The following SHANK2 variants were observed in gnomAD, a reference collection of about 807,000 sequenced individuals.
SHANK2 encodes the protein SH3 and multiple ankyrin repeat domains 2, also known as SH3 and multiple ankyrin repeat domains protein 2.
SHANK2 carries 43 observed loss-of-function variants against 133.7 expected under a neutral mutation model. That is an observed-to-expected ratio of 0.32 (90% CI 0.25 to 0.41). The LOEUF is 0.41. Ranked by LOEUF, SHANK2 falls within the 10% of genes least tolerant of loss-of-function variation. The probability of loss-of-function intolerance (pLI) is 1.00; values close to 1 mark genes in which losing one functional copy is unlikely to be tolerated. For missense variants in SHANK2, 1,994 were observed against 2,235.8 expected, an observed-to-expected ratio of 0.89 and a Z score of 2.18; for synonymous variants, 1,017 against 952.8, an observed-to-expected ratio of 1.07 and a Z score of -1.24.
At chr11:71,203,095 C>T (rs1330536349) in intron 2 of SHANK2, among the ~76,000 whole-genome samples, 1 of 152,196 alleles carries the variant, frequency 6.6e-6, no homozygotes, top group Non-Finnish European at 1.5e-5. Flanking sequence ...CCAGTGATCT[C>T]AGGTACCACC....
intron 12 of SHANK2, among the ~76,000 whole-genome samples, chr11:70,808,104 C>T (rs1948201887): frequency 6.6e-6 from 1 of 152,152 alleles, no homozygotes. Flanking sequence ...CTGCACAGCA[C>T]TCGAATGTAT....
At chr11:70,609,496 C>T (rs1008913917) in intron 17 of SHANK2, among the ~76,000 whole-genome samples, 1 of 152,164 alleles carries the variant, frequency 6.6e-6, no homozygotes, top group African/African-American at 2.4e-5. Context: ...AACAAGCACG[C>T]ACAGCCATGC....
In SHANK2 at chr11:70,845,694, G is replaced by T. The variant is rs986101934; in HGVS notation, c.1175-25012C>A. On this transcript the variant is annotated intron_variant, in intron 11 of 25. Transcript: ENST00000601538. ...TTGATGGAAAGACGAGCCAAGCCAGGGAAAATCAGAATGAAACAGACGGCC... is the reference window on the plus strand; with the variant it reads ...TTGATGGAAAGACGAGCCAAGCCAGTGAAAATCAGAATGAAACAGACGGCC... 2.6e-5 allele frequency among the ~76,000 whole-genome samples: 4 copies of T among 152,176 alleles called. No individual in the cohort carries two copies. The East Asian group carries it at 7.7e-4, about 29-fold the overall frequency.
At chr11:71,194,617 G>C (rs757040094) in intron 2 of SHANK2, among the ~76,000 whole-genome samples, 3 of 152,166 alleles carry the variant, frequency 2.0e-5, no homozygotes, top group Non-Finnish European at 2.9e-5. Flanking sequence ...GGGTGTGAAG[G>C]GACTGAGGAA....
At chr11:71,229,548 A>T (rs1555122685) in intron 1 of SHANK2, among the ~76,000 whole-genome samples, 1 of 152,100 alleles carries the variant, frequency 6.6e-6, no homozygotes, top group East Asian at 1.9e-4. Flanking sequence ...AGGTGGGTGG[A>T]TCACGAGGTC....
rs192125591 is a variant in SHANK2, at chr11:71,191,620, C to T, written c.-13+33077G>A. Among the ~76,000 whole-genome samples, 12 of 152,216 alleles carry T rather than the reference C, an allele frequency of 7.9e-5. No homozygotes were observed. The South Asian group carries it at 8.3e-4, about 11-fold the overall frequency. ...TGTCACCCAGACTGGAGTGCAATGG[C>T]GTGATCTCAGCTCACTATAACCTCT... On this transcript the variant is annotated intron_variant, in intron 2 of 25. Transcript: ENST00000601538.
chr11:71,214,792 G>A (rs1412237978), intron 2 of SHANK2, among the ~76,000 whole-genome samples: 4 of 152,138 alleles, frequency 2.6e-5, no homozygotes, highest in South Asian at 2.1e-4. Context: ...CTGTCCTCTC[G>A]TGCAATTGCT....
chr11:71,201,474 A>AGCT (rs1555117127), intron 2 of SHANK2, among the ~76,000 whole-genome samples: 1 of 152,190 alleles, frequency 6.6e-6, no homozygotes, highest in Non-Finnish European at 1.5e-5. Context: ...TGATGGTCGG[A>AGCT]GCTGCTGCTG....
At chr11:71,060,856 G>C (rs1380845789) in intron 9 of SHANK2, among the ~76,000 whole-genome samples, 7 of 152,298 alleles carry the variant, frequency 4.6e-5, no homozygotes, top group Non-Finnish European at 8.8e-5. Flanking sequence ...CTCCGCACAG[G>C]GTTTCAGGGT....
chr11:70,702,196 CCAT>C (rs1197183341), intron 14 of SHANK2, among the ~76,000 whole-genome samples: 9 of 150,554 alleles, frequency 6.0e-5, no homozygotes, highest in African/African-American at 1.2e-4. Flanking sequence ...ATCACCACCA[CCAT>C]CATCACCACT....
Position 70,473,542 on chromosome 11 carries a change from C to G in SHANK2, c.4980-103G>C. On this transcript the variant is annotated intron_variant, in intron 25 of 25. Coordinates refer to ENST00000601538, the MANE Select transcript of SHANK2 (RefSeq NM_012309.5). This position sits in a 1 kb window ranked among gnomAD's most constrained non-coding sequence, Gnocchi z 5.9. Reference sequence around the variant, plus strand: ...GGCGAGGGAGACGCCCAAACCATGCCAGAGTGTCTAGTGGCAGATCCACTG... The same window carrying G: ...GGCGAGGGAGACGCCCAAACCATGCGAGAGTGTCTAGTGGCAGATCCACTG... 1 of 1,146,554 alleles carries G rather than the reference C, an allele frequency of 8.7e-7. No homozygotes were observed. The highest frequency in any genetic ancestry group is 1.3e-6 in the Non-Finnish European group (1 of 783,644). The allele number at this position is 1,146,554 out of a possible 1,614,324, so 71.0% of individuals were successfully genotyped here.
chr11:71,110,288 A>C (rs1454365914), intron 5 of SHANK2, among the ~76,000 whole-genome samples: 1 of 152,116 alleles, frequency 6.6e-6, no homozygotes, highest in Non-Finnish European at 1.5e-5. Flanking sequence ...AATACAAAAA[A>C]TTAGTCAGGC....
intron 2 of SHANK2, among the ~76,000 whole-genome samples, chr11:71,204,499 G>A (rs964051569): frequency 2.0e-5 from 3 of 152,156 alleles, no homozygotes; most frequent in Admixed American, 1.3e-4. Context: ...GCACCACAGG[G>A]TGCCGCTTGC....
In SHANK2 at chr11:70,478,196, C is replaced by T. The variant is rs371631554; in HGVS notation, c.4980-4757G>A. ...AATTTGGCTTTTTTTTTTTTGGAGA[C>T]GGGGTCATGCAGCAATCATAGCTCA... On this transcript the variant is annotated intron_variant, in intron 25 of 25. Coordinates refer to ENST00000601538, the MANE Select transcript of SHANK2 (RefSeq NM_012309.5). Among the ~76,000 whole-genome samples, 312 of 150,448 alleles carry T rather than the reference C, an allele frequency of 2.1e-3. 2 individuals are homozygous for T. The highest frequency in any genetic ancestry group is 7.2e-3 in the African/African-American group (293 of 40,904).
intron 2 of SHANK2, among the ~76,000 whole-genome samples, chr11:71,196,866 C>T (rs1277526700): frequency 1.3e-5 from 2 of 151,824 alleles, no homozygotes; most frequent in African/African-American, 4.8e-5. Flanking sequence ...GGCATGGTGG[C>T]GGGCGCCTAT....
At chr11:71,153,222 A>G (rs11232301) in intron 2 of SHANK2, among the ~76,000 whole-genome samples, 46,858 of 146,772 alleles carry the variant, frequency 0.32, 8,714 homozygotes, top group African/African-American at 0.52. Flanking sequence ...CCAGTGCCAG[A>G]TCAGAGGAGG....
intron 2 of SHANK2, among the ~76,000 whole-genome samples, chr11:71,223,744 G>T (rs1425373857): frequency 6.6e-6 from 1 of 152,162 alleles, no homozygotes; most frequent in Non-Finnish European, 1.5e-5. Context: ...CAGCTTCTTG[G>T]GCAGGCCCGT....
intron 9 of SHANK2, among the ~76,000 whole-genome samples, chr11:71,057,404 A>G (rs1019670253): frequency 6.6e-6 from 1 of 152,232 alleles, no homozygotes; most frequent in Non-Finnish European, 1.5e-5. Flanking sequence ...TTTACATTTT[A>G]AAGGCTTAAA....
intron 9 of SHANK2, among the ~76,000 whole-genome samples, chr11:71,059,786 G>A (rs1281043611): frequency 1.1e-4 from 16 of 152,218 alleles, no homozygotes; most frequent in East Asian, 3.9e-4. Flanking sequence ...CCGTCTCTGC[G>A]TTCTCCAGCA....
Sources: allele counts gnomAD v4.1 joint callset (sites outside exome capture counted in the v4.1 genomes callset), GRCh38; gene constraint gnomAD v4.1.1; non-coding constraint Gnocchi (gnomAD v3.1); transcripts MANE v1.5; gene names NCBI Gene and HGNC (gene_info 2026-07-23, HGNC 2026-07-21).